The following POMT2 variants were observed in gnomAD, a reference collection of about 807,000 sequenced individuals.
POMT2 encodes protein O-mannosyl-transferase 2.
A neutral mutation model predicts 100.0 loss-of-function variants in POMT2; 75 were observed. That is an observed-to-expected ratio of 0.75 (90% CI 0.62 to 0.91). The LOEUF is 0.91. Ranked by LOEUF, POMT2 falls within the 40% of genes least tolerant of loss-of-function variation. POMT2 has a pLI of 0.00. For synonymous variants in POMT2, 378 were observed against 374.1 expected (o/e 1.01, Z -0.12); for missense variants, 940 against 955.1 (o/e 0.98, Z 0.21).
chr14:77,308,441 C>T (rs181260757), intron 2 of POMT2, among the ~76,000 whole-genome samples: 26 of 150,766 alleles, frequency 1.7e-4, no homozygotes, highest in Admixed American at 1.3e-3. Context: ...CTGCAACCTC[C>T]GCCTCCTGGG....
chr14:77,277,520 A>G (rs200882762), intron 20 of POMT2, 39 bp from the exon 21 acceptor site: 93 of 1,470,876 alleles, frequency 6.3e-5, no homozygotes, highest in Non-Finnish European at 8.4e-5. Flanking sequence ...TGGCACCCCC[A>G]GTGCCTCAGC....
At chr14:77,310,426 G>T (rs1891397004) in intron 2 of POMT2, among the ~76,000 whole-genome samples, 2 of 152,222 alleles carry the variant, frequency 1.3e-5, no homozygotes, top group Admixed American at 1.3e-4. Flanking sequence ...GACTAGAACA[G>T]AATAAATGTT....
intron 5 of POMT2, among the ~76,000 whole-genome samples, chr14:77,302,585 G>A (rs2139485573): frequency 6.6e-6 from 1 of 152,146 alleles, no homozygotes; most frequent in African/African-American, 2.4e-5. Flanking sequence ...TAATACGCTT[G>A]AAAAAGACAA....
intron 6 of POMT2, chr14:77,300,290 AC>A (rs1890973707): frequency 6.5e-6 from 1 of 154,410 alleles, no homozygotes; most frequent in Non-Finnish European, 1.4e-5. Context: ...TCCTAGATAC[AC>A]CTCTCACTCC....
At position 77,298,614 on chromosome 14, in the gene POMT2, A is replaced by G. The variant is rs1428193294; in HGVS notation, c.1006+75T>C. The G allele has an allele frequency of 1.5e-5, 23 of 1,498,448 alleles. No homozygotes were observed. The East Asian group carries it at 5.3e-4, about 34-fold the overall frequency. 92.8% of individuals were successfully genotyped at this position (1,498,448 alleles called of 1,614,324 possible). On this transcript the variant is annotated intron_variant, in intron 8 of 20. Coordinates refer to ENST00000261534, the MANE Select transcript of POMT2 (RefSeq NM_013382.7). ...CAGGCTAAAATAACCCAAAGCCATC[A>G]TATTTGTCTTTTCCAATTCAACTCC... is the stretch of plus-strand genomic sequence containing the variant.
intron 2 of POMT2, among the ~76,000 whole-genome samples, chr14:77,309,238 C>T (rs931902382): frequency 1.2e-4 from 18 of 152,194 alleles, no homozygotes; most frequent in Admixed American, 6.5e-4. Context: ...GTTACCTCTG[C>T]GGACTAGAAA....
chr14:77,277,560 T>G lies in POMT2; in HGVS notation c.2148-79A>C, dbSNP rs1042926363. 3.4e-6 allele frequency: 4 copies of G among 1,167,208 alleles called. No homozygotes were observed. The African/African-American group carries it at 6.1e-5, about 18-fold the overall frequency. 72.3% of individuals were successfully genotyped at this position (1,167,208 alleles called of 1,614,324 possible). A position where few individuals can be genotyped will look rare whatever the true frequency, so the allele number is the denominator to read the frequency against. On this transcript the variant is annotated intron_variant, in intron 20 of 20. Transcript: ENST00000261534. ...GGGCTTTGAATTCCATTCCTCCTGC[T>G]GGAGCTCCAGAGAAATTCCCCATCG... is the stretch of plus-strand genomic sequence containing the variant.
chr14:77,300,779 C>A, intron 6 of POMT2: 3 of 345,196 alleles, frequency 8.7e-6, no homozygotes, highest in South Asian at 7.3e-5. Context: ...AAGATCGGCC[C>A]ACTGCACTCC....
At chr14:77,288,932 T>C in intron 10 of POMT2, 101 bp from the exon 11 acceptor site, 1 of 998,468 alleles carries the variant, frequency 1.0e-6, no homozygotes, top group African/African-American at 1.6e-5. Context: ...TGGTATCTGC[T>C]AGAGGTACTA....
At chr14:77,301,320 A>G in intron 5 of POMT2, 71 bp from the exon 6 acceptor site, 4 of 1,583,976 alleles carry the variant, frequency 2.5e-6, no homozygotes, top group Non-Finnish European at 3.5e-6. Flanking sequence ...AGCAGGGGAC[A>G]GGGCAGTTCT....
At chr14:77,315,724 C>T (rs1891598842) in intron 1 of POMT2, among the ~76,000 whole-genome samples, 2 of 152,202 alleles carry the variant, frequency 1.3e-5, no homozygotes, top group African/African-American at 2.4e-5. Context: ...TTAAAAACTT[C>T]GTGGCGGCTG....
intron 20 of POMT2, 68 bp from the exon 21 acceptor site, chr14:77,277,549 A>G: frequency 1.6e-6 from 2 of 1,228,332 alleles, no homozygotes; most frequent in Non-Finnish European, 2.4e-6. Context: ...TTTGAATTCC[A>G]TTCCTCCTGC....
chr14:77,288,187 A>G (rs2058916), intron 11 of POMT2, among the ~76,000 whole-genome samples: 8,135 of 152,284 alleles, frequency 0.053, 272 homozygotes, highest in South Asian at 0.08. Context: ...ATTTCTCTGG[A>G]TTCCTCATTT....
intron 8 of POMT2, among the ~76,000 whole-genome samples, chr14:77,298,371 G>T (rs1890905144): frequency 6.6e-6 from 1 of 152,202 alleles, no homozygotes; most frequent in Admixed American, 6.5e-5. Context: ...TCAGAAAGCG[G>T]TGCGGGAAAC....
chr14:77,276,752 GAGCC>G lies in POMT2; in HGVS notation c.*620_*623del, dbSNP rs765352349. 3.9e-5 allele frequency: 6 copies of G among 152,776 alleles called. No individual in the cohort carries two copies. Among genetic ancestry groups the G allele is most frequent in the African/African-American group, 1.4e-4 (6 of 41,454 alleles). The allele number at this position is 152,776 out of a possible 1,614,324, so 9.5% of individuals were successfully genotyped here. On this transcript the variant is annotated 3_prime_UTR_variant, in exon 21 of 21. Coordinates refer to ENST00000261534, the MANE Select transcript of POMT2 (RefSeq NM_013382.7). ...CTGCAGCCACTGGGGGGCATGGTGG[GAGCC>G]AGGCCCTCCAGCTCGGGGCGGCGCG...
chr14:77,289,841 T>C (rs752988307), intron 10 of POMT2, among the ~76,000 whole-genome samples: 13 of 152,184 alleles, frequency 8.5e-5, no homozygotes, highest in East Asian at 1.9e-4. Flanking sequence ...GCAGTAATCA[T>C]AGCAACACAG....
chr14:77,280,214 G>A (rs1206787579), intron 16 of POMT2, 134 bp from the exon 17 acceptor site: 9 of 1,569,826 alleles, frequency 5.7e-6, no homozygotes, highest in Non-Finnish European at 7.8e-6. Flanking sequence ...TTCTACACGA[G>A]CTCTCTGGGA....
intron 2 of POMT2, among the ~76,000 whole-genome samples, chr14:77,307,237 C>T: frequency 6.6e-6 from 1 of 152,236 alleles, no homozygotes; most frequent in East Asian, 1.9e-4. Flanking sequence ...CAGGCTGCTC[C>T]AGCCTGACCC....
chr14:77,282,712 T>A (rs1043117070), intron 15 of POMT2, among the ~76,000 whole-genome samples: 1 of 152,110 alleles, frequency 6.6e-6, no homozygotes, highest in Admixed American at 6.5e-5. Flanking sequence ...CACCTCCCAA[T>A]GCGCAAAAAT....
Sources: allele counts gnomAD v4.1 joint callset (sites outside exome capture counted in the v4.1 genomes callset), GRCh38; gene constraint gnomAD v4.1.1; transcripts MANE v1.5; gene names NCBI Gene and HGNC (gene_info 2026-07-23, HGNC 2026-07-21).